Variants in NR2E1 observed in about 807,000 individuals in gnomAD.
NR2E1 encodes the protein nuclear receptor TLX.
NR2E1 carries 5 observed loss-of-function variants against 43.6 expected under a neutral mutation model. The observed-to-expected ratio is 0.11, with a 90% CI of 0.06 to 0.24. NR2E1 has a LOEUF of 0.24. Among genes scored for constraint, NR2E1 ranks in the 10% least tolerant of loss-of-function variants. The probability of loss-of-function intolerance (pLI) is 1.00; values close to 1 mark genes in which losing one functional copy is unlikely to be tolerated. For synonymous variants in NR2E1, 191 were observed against 195.5 expected, an observed-to-expected ratio of 0.98 and a Z score of 0.19; for missense variants, 287 against 496.7, an observed-to-expected ratio of 0.58 and a Z score of 4.01.
At chr6:108,185,152 T>C (rs1420094457) in intron 8 of NR2E1, among the ~76,000 whole-genome samples, 1 of 152,208 alleles carries the variant, frequency 6.6e-6, no homozygotes, top group Non-Finnish European at 1.5e-5. Flanking sequence ...TAATTGTATA[T>C]TACAGCTCTC....
At chr6:108,184,802 A>G (rs1774047903) in intron 8 of NR2E1, among the ~76,000 whole-genome samples, 1 of 152,204 alleles carries the variant, frequency 6.6e-6, no homozygotes, top group Admixed American at 6.5e-5. Context: ...ACACCGCAAA[A>G]GAAGAAAATT....
chr6:108,181,183 C>CT (rs961642978), intron 7 of NR2E1, among the ~76,000 whole-genome samples: 231 of 151,444 alleles, frequency 1.5e-3, no homozygotes, highest in African/African-American at 5.1e-3. Context: ...TTTTTTCTTT[C>CT]TTTTTTTTTA....
intron 2 of NR2E1, among the ~76,000 whole-genome samples, chr6:108,173,685 ATCTT>A (rs1302063556): frequency 6.6e-6 from 1 of 152,222 alleles, no homozygotes; most frequent in Admixed American, 6.5e-5. Context: ...TACATTTATT[ATCTT>A]TCTTCTCACT....
Position 108,174,866 on chromosome 6 carries a change from AACC to A in NR2E1, c.204_206del (p.Asn68_Gln69delinsLys). On this transcript the variant is annotated inframe_deletion, in exon 3 of 9. Coordinates refer to ENST00000368986, the MANE Select transcript of NR2E1 (RefSeq NM_003269.5). ...CTGTCCGGTGGACAAGACGCACAGA[AACC>A]AGTGCAGGGCGTGTCGGCTGAAGAA... is the stretch of plus-strand genomic sequence containing the variant. The A allele has an allele frequency of 6.2e-7, 1 of 1,614,150 alleles. No homozygotes were observed. Among genetic ancestry groups the A allele is most frequent in the Non-Finnish European group, 8.5e-7 (1 of 1,180,026 alleles).
chr6:108,176,507 G>T lies in NR2E1; in HGVS notation c.264G>T (p.Val88=), dbSNP rs761813335. 1.2e-6 allele frequency: 2 copies of T among 1,612,802 alleles called. No individual in the cohort carries two copies. Among genetic ancestry groups the T allele is most frequent in the African/African-American group, 2.7e-5 (2 of 74,944 alleles). ...TTTCTCTGTTTGCCTCTGCAGCCGT[G>T]CAGCACGAGCGGGGGCCTCGGACGT... ...CLEVNMNKDA[V]QHERGPRTST... Residue 88 remains valine (V), a synonymous_variant, in exon 4 of 9, where the codon GTG becomes GTT. Transcript: ENST00000368986.
chr6:108,167,901 TG>T, intron 1 of NR2E1: 1 of 921,006 alleles, frequency 1.1e-6, no homozygotes, highest in Non-Finnish European at 1.6e-6. Context: ...CTCACTTAAG[TG>T]GGATGCAATT....
intron 8 of NR2E1, among the ~76,000 whole-genome samples, chr6:108,185,559 C>A (rs553285221): frequency 6.6e-6 from 1 of 152,200 alleles, no homozygotes; most frequent in African/African-American, 2.4e-5. Context: ...TACAGGTGCC[C>A]AGCGAATTTT....
chr6:108,182,022 G>A (rs1353432383), intron 8 of NR2E1, among the ~76,000 whole-genome samples: 2 of 152,090 alleles, frequency 1.3e-5, no homozygotes, highest in Non-Finnish European at 2.9e-5. Flanking sequence ...TGGATCACGA[G>A]GTCAGAAGAT....
At position 108,180,066 on chromosome 6, in the gene NR2E1, A is replaced by G. The variant is rs376315963; in HGVS notation, c.643-257A>G. ...GTCAGGAATGGGTGGATACAAGGACAAGAGGGGCAAATCCTTTTCTGAGAG... is the reference window on the plus strand; with the variant it reads ...GTCAGGAATGGGTGGATACAAGGACGAGAGGGGCAAATCCTTTTCTGAGAG... On this transcript the variant is annotated intron_variant, in intron 5 of 8. Transcript: ENST00000368986. The surrounding 1 kb of genome is among the most constrained non-coding windows in gnomAD (Gnocchi z 5.4). Among the ~76,000 whole-genome samples the G allele has an allele frequency of 6.6e-6, 1 of 152,148 alleles. No individual in the cohort carries two copies. The highest frequency in any genetic ancestry group is 1.9e-4 in the East Asian group (1 of 5,192).
At position 108,166,833 on chromosome 6, in the gene NR2E1, T is replaced by C; in HGVS notation, c.25+43T>C. The C allele has an allele frequency of 1.3e-6, 2 of 1,574,010 alleles. No individual in the cohort carries two copies. The highest frequency in any genetic ancestry group is 1.7e-4 in the Middle Eastern group (1 of 5,918). Reference sequence around the variant, plus strand: ...CGCCGTGGGGCCTAGGCGCGCAGCCTGGGGCGAGCGAGCGGGGAGGCTGGG... The same window carrying C: ...CGCCGTGGGGCCTAGGCGCGCAGCCCGGGGCGAGCGAGCGGGGAGGCTGGG... On this transcript the variant is annotated intron_variant, in intron 1 of 8. Transcript: ENST00000368986. The surrounding 1 kb of genome is among the most constrained non-coding windows in gnomAD (Gnocchi z 7.2).
At chr6:108,167,973 G>A in intron 1 of NR2E1, 5 of 1,543,476 alleles carry the variant, frequency 3.2e-6, no homozygotes, top group Non-Finnish European at 2.6e-6. Flanking sequence ...TGCTTTGGGT[G>A]CTGACCTTTA....
At chr6:108,170,110 C>T (rs923502678) in intron 1 of NR2E1, among the ~76,000 whole-genome samples, 6 of 152,072 alleles carry the variant, frequency 3.9e-5, no homozygotes, top group African/African-American at 9.7e-5. Context: ...ACGCCCTCAC[C>T]TCCCCTACTC....
chr6:108,168,305 T>G, intron 1 of NR2E1: 16 of 780,124 alleles, frequency 2.1e-5, no homozygotes, highest in South Asian at 1.1e-4. Context: ...CCTAGCTCGC[T>G]CGCCCCGGGA....
chr6:108,176,595 G>A lies in NR2E1; in HGVS notation c.352G>A (p.Ala118Thr), dbSNP rs1582445981. ...ACACAAGGAGGAGAACGGGGCCGCC[G>A]CGCACTTTCCCTCGGCGGCGCTCCC... ...RGHKEENGAA[A>T]HFPSAALPAP... Residue 118 changes from alanine to threonine, a missense_variant, in exon 4 of 9, where the codon GCG becomes ACG. Ala to Thr is a moderately conservative substitution (Grantham distance 58). Coordinates refer to ENST00000368986, the MANE Select transcript of NR2E1 (RefSeq NM_003269.5). 4 of 1,612,676 alleles carry A rather than the reference G, an allele frequency of 2.5e-6. No homozygotes were observed. The highest frequency in any genetic ancestry group is 1.7e-4 in the Middle Eastern group (1 of 6,044).
chr6:108,176,881 A>G, intron 4 of NR2E1, 143 bp downstream of exon 4: 2 of 760,764 alleles, frequency 2.6e-6, no homozygotes, highest in South Asian at 1.8e-5. Context: ...ATGGAGCTCC[A>G]GCCCTTCTGC....
intron 7 of NR2E1, among the ~76,000 whole-genome samples, 160 bp downstream of exon 7, chr6:108,181,116 C>A (rs1387139075): frequency 6.6e-6 from 1 of 152,168 alleles, no homozygotes; most frequent in African/African-American, 2.4e-5. Flanking sequence ...CTATGGGAAC[C>A]TGCATGTTCT....
Position 108,181,543 on chromosome 6 carries a change from T to A in NR2E1, c.890-3T>A. The A allele has an allele frequency of 6.2e-7, 1 of 1,611,632 alleles. No individual in the cohort carries two copies. Among genetic ancestry groups the A allele is most frequent in the Non-Finnish European group, 8.5e-7 (1 of 1,177,742 alleles). On this transcript the variant is annotated splice_polypyrimidine_tract_variant and splice_region_variant and intron_variant, in intron 7 of 8. Transcript: ENST00000368986. ...ATCACAGTTTCCTGGTCTTCATTTC[T>A]AGTTCCTACACATAGTGGTTCTGAA...
chr6:108,167,984 AAAAATTAGAGC>A, intron 1 of NR2E1: 1 of 1,555,200 alleles, frequency 6.4e-7, no homozygotes, highest in Non-Finnish European at 8.7e-7. Flanking sequence ...CTGACCTTTA[AAAAATTAGAGC>A]AAAATGAACG....
chr6:108,177,918 C>A (rs1172522278), intron 4 of NR2E1, among the ~76,000 whole-genome samples, 177 bp from the exon 5 acceptor site: 1 of 152,186 alleles, frequency 6.6e-6, no homozygotes, highest in Non-Finnish European at 1.5e-5. Flanking sequence ...ACTTTTCAAA[C>A]TCTATAGACA....
Sources: gnomAD v4.1 joint callset for allele counts (sites outside exome capture counted in the v4.1 genomes callset) on GRCh38, gnomAD v4.1.1 for gene constraint, Gnocchi (gnomAD v3.1) non-coding constraint, MANE v1.5 for transcripts, NCBI Gene and HGNC (gene_info 2026-07-23, HGNC 2026-07-21) for gene names.